The following SNX25 variants were observed in gnomAD, a reference collection of about 807,000 sequenced individuals.
The protein encoded by SNX25 is sorting nexin-25.
A neutral mutation model predicts 113.7 loss-of-function variants in SNX25; 62 were observed. The ratio of observed to expected loss-of-function variants is 0.55; its 90% CI spans 0.44 to 0.67. SNX25 has a LOEUF of 0.67. Among genes scored for constraint, SNX25 ranks in the 30% least tolerant of loss-of-function variants. The pLI is 0.00. For synonymous variants in SNX25, 421 were observed against 436.2 expected (o/e 0.97, Z 0.43); for missense variants, 1,014 against 1,161.0 (o/e 0.87, Z 1.84).
intron 15 of SNX25, 144 bp from the exon 16 acceptor site, chr4:185,357,527 C>G (rs2095344408): frequency 1.5e-6 from 1 of 677,146 alleles, no homozygotes; most frequent in African/African-American, 1.8e-5. Flanking sequence ...GACCTAAACC[C>G]AAATTCTGCA....
At chr4:185,338,232 C>G (rs2095241720) in intron 10 of SNX25, among the ~76,000 whole-genome samples, 2 of 150,486 alleles carry the variant, frequency 1.3e-5, no homozygotes. Flanking sequence ...ACCAAGAAAT[C>G]ATAGCTAAAT....
At chr4:185,224,820 C>G (rs1349358166) in intron 1 of SNX25, among the ~76,000 whole-genome samples, 2 of 151,566 alleles carry the variant, frequency 1.3e-5, no homozygotes, top group Non-Finnish European at 2.9e-5. Context: ...GGACATAACC[C>G]TTGTGGTCTT....
intron 6 of SNX25, among the ~76,000 whole-genome samples, chr4:185,288,347 A>T (rs1298883415): frequency 2.6e-5 from 4 of 152,112 alleles, no homozygotes; most frequent in African/African-American, 9.7e-5. Context: ...ATCATTCAGT[A>T]TATGTTTCTG....
intron 16 of SNX25, among the ~76,000 whole-genome samples, chr4:185,358,425 A>T (rs1186702069): frequency 6.6e-6 from 1 of 152,232 alleles, no homozygotes; most frequent in Non-Finnish European, 1.5e-5. Flanking sequence ...TTTGTTATTG[A>T]GAACTCAATT....
chr4:185,310,739 C>T lies in SNX25; in HGVS notation c.1267C>T (p.Arg423Ter), dbSNP rs778313427. The T allele has an allele frequency of 1.2e-5, 19 of 1,613,830 alleles. No homozygotes were observed. Among genetic ancestry groups the T allele is most frequent in the South Asian group, 6.6e-5 (6 of 91,020 alleles). The change falls in exon 7 of 19, where the codon CGA becomes TGA. Residue 423 changes from arginine (R) to a stop codon, truncating the protein, a stop_gained. Transcript: ENST00000652585. LOFTEE classifies it high-confidence loss of function. The stretch of plus-strand genomic sequence containing the variant: ...AAAGAAGCAGTGTGAGAAGAGAATC[C>T]GAATCCTGGGAGGCCCTGCCTATGA... ...VAKKQCEKRI[R>*]ILGGPAYDQQ... is the part of the protein sequence containing the mutation.
intron 15 of SNX25, among the ~76,000 whole-genome samples, chr4:185,357,003 A>G (rs759992269): frequency 2.0e-5 from 3 of 152,210 alleles, no homozygotes; most frequent in African/African-American, 7.2e-5. Context: ...ACACGGGGAA[A>G]GACCTTCAGA....
intron 7 of SNX25, among the ~76,000 whole-genome samples, chr4:185,314,617 T>A (rs547144950): frequency 6.6e-6 from 1 of 151,954 alleles, no homozygotes; most frequent in South Asian, 2.1e-4. Context: ...CCCAACACTT[T>A]AGGAGGCTGA....
chr4:185,288,703 C>T (rs77097127), intron 6 of SNX25, among the ~76,000 whole-genome samples: 3,239 of 152,020 alleles, frequency 0.021, 121 homozygotes, highest in African/African-American at 0.075. Flanking sequence ...AGGCATGATA[C>T]CAAAGAATAA....
At chr4:185,265,368 A>G (rs1184460503) in intron 4 of SNX25, among the ~76,000 whole-genome samples, 1 of 152,240 alleles carries the variant, frequency 6.6e-6, no homozygotes, top group Non-Finnish European at 1.5e-5. Context: ...ACCTTATACC[A>G]TATTACTGTA....
chr4:185,241,958 A>C (rs537280745), intron 1 of SNX25, among the ~76,000 whole-genome samples: 2 of 152,290 alleles, frequency 1.3e-5, no homozygotes, highest in Admixed American at 1.3e-4. Flanking sequence ...CCTCAGAGCC[A>C]CAGGAATTTA....
the SNX25 span, chr4:185,377,173 T>C: frequency 1.1e-4 from 68 of 628,636 alleles, no homozygotes; most frequent in East Asian, 1.5e-3. Flanking sequence ...GGAAGAAATA[T>C]TACCTGAAAA....
At chr4:185,215,037 T>C (rs1329287028) in intron 1 of SNX25, among the ~76,000 whole-genome samples, 3 of 152,140 alleles carry the variant, frequency 2.0e-5, no homozygotes, top group South Asian at 2.1e-4. Flanking sequence ...GAGACCATCC[T>C]GGCTAACACA....
At chr4:185,295,167 A>C (rs1226730142) in intron 6 of SNX25, among the ~76,000 whole-genome samples, 3 of 152,112 alleles carry the variant, frequency 2.0e-5, no homozygotes, top group African/African-American at 7.2e-5. Flanking sequence ...GTTTTTGGAG[A>C]TCTTTGCATT....
chr4:185,300,770 G>T (rs2126641526), intron 6 of SNX25, among the ~76,000 whole-genome samples: 1 of 151,236 alleles, frequency 6.6e-6, no homozygotes, highest in Admixed American at 6.6e-5. Context: ...GGAACCTTTG[G>T]GAGGTGATTA....
At position 185,209,808 on chromosome 4, in the gene SNX25, TAGCGGCCCAGGA is replaced by T. The variant is rs1437312358; in HGVS notation, c.-15_-4del. Reference sequence around the variant, plus strand: ...GGGGGGCAGGAGATGTGCCTGTCCTTAGCGGCCCAGGAAGCAGCATGCACCCCGATGCGACCG... The same window carrying T: ...GGGGGGCAGGAGATGTGCCTGTCCTTAGCAGCATGCACCCCGATGCGACCG... On this transcript the variant is annotated 5_prime_UTR_variant, in exon 1 of 19. Coordinates refer to ENST00000652585, the MANE Select transcript of SNX25 (RefSeq NM_001378034.2). This position sits in a 1 kb window ranked among gnomAD's most constrained non-coding sequence, Gnocchi z 5.2. The T allele has an allele frequency of 1.0e-6, 1 of 983,016 alleles. No homozygotes were observed. The highest frequency in any genetic ancestry group is 1.2e-6 in the Non-Finnish European group (1 of 829,176). The allele number at this position is 983,016 out of a possible 1,614,324, so 60.9% of individuals were successfully genotyped here. A position where few individuals can be genotyped will look rare whatever the true frequency, so the allele number is the denominator to read the frequency against.
chr4:185,367,117 C>A, downstream of SNX25: 1 of 1,350,406 alleles, frequency 7.4e-7, no homozygotes. Context: ...AACATAGCTA[C>A]TGTAAAAATA....
intron 13 of SNX25, among the ~76,000 whole-genome samples, chr4:185,347,907 C>T (rs2095295994): frequency 2.6e-5 from 4 of 152,240 alleles, no homozygotes; most frequent in Admixed American, 2.6e-4. Flanking sequence ...TATGGATTGC[C>T]TTTTACTTAA....
intron 5 of SNX25, among the ~76,000 whole-genome samples, chr4:185,281,262 A>G (rs116674378): frequency 3.3e-3 from 508 of 152,270 alleles, no homozygotes; most frequent in African/African-American, 0.011. Flanking sequence ...ATTTCCCTAG[A>G]TAGTACATAT....
At chr4:185,276,513 A>C (rs1019672743) in intron 5 of SNX25, among the ~76,000 whole-genome samples, 2 of 152,236 alleles carry the variant, frequency 1.3e-5, no homozygotes, top group Admixed American at 6.5e-5. Flanking sequence ...ACTAATAGAT[A>C]ATGGAGAACG....
Sources: gnomAD v4.1 joint callset for allele counts (sites outside exome capture counted in the v4.1 genomes callset) on GRCh38, gnomAD v4.1.1 for gene constraint, Gnocchi (gnomAD v3.1) non-coding constraint, MANE v1.5 for transcripts, NCBI Gene and HGNC (gene_info 2026-07-23, HGNC 2026-07-21) for gene names.